Variants in ZBTB20 observed in about 807,000 individuals in gnomAD.
ZBTB20 encodes zinc finger and BTB domain containing 20, also known as zinc finger and BTB domain-containing protein 20.
A neutral mutation model predicts 56.9 loss-of-function variants in ZBTB20; 9 were observed. The ratio of observed to expected loss-of-function variants is 0.16; its 90% CI spans 0.10 to 0.28. The LOEUF (loss-of-function observed/expected upper bound fraction) is 0.28, where lower values mean the gene tolerates loss of function less well. Among genes scored for constraint, ZBTB20 ranks in the 10% least tolerant of loss-of-function variants. ZBTB20 has a pLI of 1.00. For missense variants in ZBTB20, 655 were observed against 1,003.0 expected (o/e 0.65, Z 4.69); for synonymous variants, 417 against 420.7 (o/e 0.99, Z 0.11).
chr3:115,002,487 C>T (rs1013408094), intron 2 of ZBTB20, among the ~76,000 whole-genome samples: 4 of 151,564 alleles, frequency 2.6e-5, no homozygotes, highest in Non-Finnish European at 4.4e-5. Flanking sequence ...ACACCAAAAA[C>T]TATTAAAACT....
intron 10 of ZBTB20, among the ~76,000 whole-genome samples, chr3:114,378,286 G>A (rs2083893634): frequency 6.6e-6 from 1 of 152,198 alleles, no homozygotes; most frequent in Non-Finnish European, 1.5e-5. Flanking sequence ...TATATTTGGA[G>A]AAAAGTATAA....
intron 8 of ZBTB20, among the ~76,000 whole-genome samples, chr3:114,381,875 G>A (rs977894041): frequency 6.6e-6 from 1 of 152,144 alleles, no homozygotes; most frequent in Non-Finnish European, 1.5e-5. Context: ...TTTTCAGTAT[G>A]GAGGAAGCCA....
Position 114,491,432 on chromosome 3 carries a change from C to T in ZBTB20, c.-255+8920G>A, listed in dbSNP as rs766638856. ...CTCTACTTTCCTTAAATCTCTTCCC[C>T]GCTTATTCTTAGCAGGACCTTGCCC... On this transcript the variant is annotated intron_variant, in intron 7 of 11. Coordinates refer to ENST00000675478, the MANE Select transcript of ZBTB20 (RefSeq NM_001348800.3). 7.0e-4 allele frequency among the ~76,000 whole-genome samples: 106 copies of T among 152,180 alleles called. 1 individual carries two copies. Among genetic ancestry groups the T allele is most frequent in the Non-Finnish European group, 2.6e-4 (18 of 68,038 alleles).
chr3:114,950,569 G>A (rs1353505560), intron 3 of ZBTB20, among the ~76,000 whole-genome samples: 1 of 152,134 alleles, frequency 6.6e-6, no homozygotes, highest in Non-Finnish European at 1.5e-5. Context: ...TTACTGTGCT[G>A]CTACTGATCA....
chr3:115,010,234 T>C (rs1166233232), intron 2 of ZBTB20, among the ~76,000 whole-genome samples: 2 of 151,924 alleles, frequency 1.3e-5, no homozygotes, highest in African/African-American at 4.8e-5. Context: ...CTGGCTGGCT[T>C]TTCCACTTAC....
chr3:114,619,352 C>A (rs2702171), intron 6 of ZBTB20, among the ~76,000 whole-genome samples: 1 of 151,352 alleles, frequency 6.6e-6, no homozygotes, highest in Admixed American at 6.6e-5. Context: ...AATAAAGAGA[C>A]GAAAAGGAAT....
chr3:114,507,121 T>C (rs1025904148), intron 6 of ZBTB20, among the ~76,000 whole-genome samples: 15 of 152,160 alleles, frequency 9.9e-5, no homozygotes, highest in Non-Finnish European at 1.9e-4. Flanking sequence ...CAAGATGAGC[T>C]TGAAGATTAG....
At chr3:115,072,302 G>C (rs562410082) in intron 1 of ZBTB20, among the ~76,000 whole-genome samples, 10 of 152,196 alleles carry the variant, frequency 6.6e-5, no homozygotes, top group African/African-American at 2.4e-4. Context: ...TTCTGTAACT[G>C]ATGTAGATAC....
intron 9 of ZBTB20, 57 bp downstream of exon 9, chr3:114,380,720 C>T: frequency 6.8e-7 from 1 of 1,464,220 alleles, no homozygotes; most frequent in Non-Finnish European, 8.9e-7. Flanking sequence ...GAAAGCATCC[C>T]TCTTCCCCCC....
At chr3:114,675,317 A>C (rs2061568812) in intron 6 of ZBTB20, among the ~76,000 whole-genome samples, 1 of 110,778 alleles carries the variant, frequency 9.0e-6, no homozygotes, top group African/African-American at 3.6e-5. Flanking sequence ...TCTCATGGAT[A>C]AGGTTACTGT....
intron 6 of ZBTB20, among the ~76,000 whole-genome samples, chr3:114,632,023 G>C (rs2058987828): frequency 6.6e-6 from 1 of 152,172 alleles, no homozygotes; most frequent in Non-Finnish European, 1.5e-5. Flanking sequence ...AATTGGGTGA[G>C]GAGAGTCCTG....
At chr3:114,901,842 CAAAG>C (rs1391186621) in intron 3 of ZBTB20, among the ~76,000 whole-genome samples, 1 of 151,780 alleles carries the variant, frequency 6.6e-6, no homozygotes, top group Non-Finnish European at 1.5e-5. Context: ...AAGAACAAAA[CAAAG>C]AATTAAGAGT....
At chr3:114,638,654 C>G (rs1033838926) in intron 6 of ZBTB20, among the ~76,000 whole-genome samples, 1 of 151,742 alleles carries the variant, frequency 6.6e-6, no homozygotes, top group Non-Finnish European at 1.5e-5. Flanking sequence ...AATTCTCACA[C>G]AGAAAGGAAG....
intron 5 of ZBTB20, among the ~76,000 whole-genome samples, chr3:114,739,678 T>C (rs1292603920): frequency 6.6e-6 from 1 of 152,236 alleles, no homozygotes; most frequent in Non-Finnish European, 1.5e-5. Context: ...CTTAATTATT[T>C]TGTTATTAAA....
chr3:114,524,642 A>C (rs1229830280), intron 6 of ZBTB20, among the ~76,000 whole-genome samples: 1 of 152,018 alleles, frequency 6.6e-6, no homozygotes, highest in East Asian at 1.9e-4. Context: ...AATTTCCTAG[A>C]CTAGATAGCT....
At chr3:114,782,632 GA>G (rs2070187722) in intron 5 of ZBTB20, among the ~76,000 whole-genome samples, 3 of 152,142 alleles carry the variant, frequency 2.0e-5, no homozygotes, top group Admixed American at 2.0e-4. Context: ...ATAAACCATG[GA>G]AAAAGCCTGA....
chr3:114,862,175 G>C (rs931484986), intron 4 of ZBTB20, among the ~76,000 whole-genome samples: 1 of 152,160 alleles, frequency 6.6e-6, no homozygotes, highest in South Asian at 2.1e-4. Flanking sequence ...TACAACCTCA[G>C]ATTTCTAAGC....
At chr3:114,579,223 TC>T (rs2054398327) in intron 6 of ZBTB20, among the ~76,000 whole-genome samples, 1 of 151,768 alleles carries the variant, frequency 6.6e-6, no homozygotes, top group South Asian at 2.1e-4. Flanking sequence ...AAAAAGTTTT[TC>T]AATTAAAACC....
chr3:114,519,091 T>A (rs1184135993), intron 6 of ZBTB20: 2 of 152,196 alleles, frequency 1.3e-5, no homozygotes, highest in Non-Finnish European at 2.9e-5. Flanking sequence ...CATTGCTTCA[T>A]CCTCATTCCC....
Sources: allele counts gnomAD v4.1 joint callset (sites outside exome capture counted in the v4.1 genomes callset), GRCh38; gene constraint gnomAD v4.1.1; transcripts MANE v1.5; gene names NCBI Gene and HGNC (gene_info 2026-07-23, HGNC 2026-07-21).